SEMA4C: variants seen among roughly 807,000 people sequenced by gnomAD.
SEMA4C encodes semaphorin 4C.
In SEMA4C, 19 loss-of-function variants were observed where a neutral mutation model predicts 89.0. That is an observed-to-expected ratio of 0.21 (90% CI 0.15 to 0.31). SEMA4C has a LOEUF of 0.31. Ranked by LOEUF, SEMA4C falls within the 10% of genes least tolerant of loss-of-function variation. The probability of loss-of-function intolerance (pLI) is 1.00; values close to 1 mark genes in which losing one functional copy is unlikely to be tolerated. For synonymous variants in SEMA4C, 428 were observed against 472.7 expected, an observed-to-expected ratio of 0.91 and a Z score of 1.23; for missense variants, 811 against 1,107.0, an observed-to-expected ratio of 0.73 and a Z score of 3.79.
At chr2:96,862,183 C>T (rs2079962962) in intron 12 of SEMA4C, 2 of 422,516 alleles carry the variant, frequency 4.7e-6, no homozygotes, top group Admixed American at 3.7e-5. Context: ...AGTATAATCA[C>T]ACACACTCAC....
chr2:96,863,421 C>T (rs1267483508), intron 12 of SEMA4C: 30 of 1,241,188 alleles, frequency 2.4e-5, no homozygotes, highest in Non-Finnish European at 2.9e-5. Context: ...AACATGGGAG[C>T]AGTTGCCAAG....
Position 96,860,971 on chromosome 2 carries a change from G to T in SEMA4C, c.2157C>A (p.Pro719=). The change falls in exon 15 of 15, where the codon CCC becomes CCA. Residue 719 remains proline, a synonymous_variant. Coordinates refer to ENST00000305476, the MANE Select transcript of SEMA4C (RefSeq NM_017789.5). ...LELPKEPTSP[P]FRPCPEPDEK... ...CATCTGGTTCAGGACAGGGCCGGAA[G>T]GGGGGACTGGTGGGCTCCTTGGGCA... 1.2e-6 allele frequency: 2 copies of T among 1,613,010 alleles called. No individual in the cohort carries two copies. The highest frequency in any genetic ancestry group is 8.5e-7 in the Non-Finnish European group (1 of 1,180,018).
At position 96,866,329 on chromosome 2, in the gene SEMA4C, T is replaced by C; in HGVS notation, c.212A>G (p.Glu71Gly). ...CTCCATGCTGAAGGCAAACAGGGCC[T>C]CTCGGGCGCCCACGTACAGAAGCCC... ...PTGLLYVGAR[E>G]ALFAFSMEAL... The change falls in exon 3 of 15, where the codon GAG (glutamate) becomes GGG (glycine). Residue 71 changes from glutamate to glycine, a missense_variant. Coordinates refer to ENST00000305476, the MANE Select transcript of SEMA4C (RefSeq NM_017789.5). 1 of 1,613,362 alleles carries C rather than the reference T, an allele frequency of 6.2e-7. No homozygotes were observed. The highest frequency in any genetic ancestry group is 8.5e-7 in the Non-Finnish European group (1 of 1,179,574).
At chr2:96,863,181 G>A (rs2079991132) in intron 12 of SEMA4C, 13 of 933,636 alleles carry the variant, frequency 1.4e-5, no homozygotes, top group Non-Finnish European at 1.7e-5. Flanking sequence ...CTGCACTCTA[G>A]CCTGGGTGAC....
At position 96,861,647 on chromosome 2, in the gene SEMA4C, G is replaced by T. The variant is rs78768368; in HGVS notation, c.1604C>A (p.Ser535Tyr). The T allele has an allele frequency of 2.8e-5, 45 of 1,581,166 alleles. No homozygotes were observed. The highest frequency in any genetic ancestry group is 2.5e-4 in the South Asian group (22 of 86,350). Residue 535 changes from serine to tyrosine, a missense_variant and splice_region_variant, in exon 14 of 15, where the codon TCT becomes TAT. This residue lies in a region of SEMA4C where 441 missense variants were observed against 664.9 expected (regional missense o/e 0.66). Coordinates refer to ENST00000305476, the MANE Select transcript of SEMA4C (RefSeq NM_017789.5). This position sits in a 1 kb window ranked among gnomAD's most constrained non-coding sequence, Gnocchi z 7.8. ...GGTCATCACATGCTGGATCAGTAGA[G>T]ATCTGGTAGGGGATGTAGGGTACAT... ...RCVAVGGHSG[S>Y]LLIQHVMTSD...
intron 12 of SEMA4C, chr2:96,863,476 G>T: frequency 1.1e-5 from 14 of 1,327,844 alleles, no homozygotes; most frequent in Non-Finnish European, 1.3e-5. Flanking sequence ...TATATATAAT[G>T]GCCCTGTGCA....
At chr2:96,869,180 T>C in intron 1 of SEMA4C, 1 of 985,230 alleles carries the variant, frequency 1.0e-6, no homozygotes, top group Non-Finnish European at 1.2e-6. Flanking sequence ...TCATCTCGGC[T>C]CCTTACCCGA....
upstream of SEMA4C, chr2:96,870,367 A>C: frequency 8.4e-6 from 8 of 955,754 alleles, no homozygotes; most frequent in South Asian, 3.4e-4. Flanking sequence ...CCACGGGGGA[A>C]TCACACTCAC....
chr2:96,869,266 G>T (rs1470013598), intron 1 of SEMA4C: 3 of 985,294 alleles, frequency 3.0e-6, no homozygotes, highest in Non-Finnish European at 3.6e-6. Context: ...TCCCCCCAGG[G>T]CGAGGAAACG....
In SEMA4C at chr2:96,865,278, G is replaced by A. The variant is rs753800077; in HGVS notation, c.560C>T (p.Thr187Met). ...YSATLNNFLG[T>M]EPIILRNMGP... ...CATGTTACGCAGGATAATGGGTTCC[G>A]TGCCCAGGAAGTTGTTGAGTGTGGC... Residue 187 changes from threonine (T) to methionine (M), a missense_variant, in exon 7 of 15, where the codon ACG becomes ATG. By Grantham distance (81) the Thr-to-Met change is moderately conservative (BLOSUM62 -1). Around this residue, in one of 4 missense-constraint regions of SEMA4C, gnomAD observed 441 missense variants for 664.9 expected, o/e 0.66. Transcript: ENST00000305476. The A allele has an allele frequency of 2.5e-6, 4 of 1,614,094 alleles. No homozygotes were observed. Among genetic ancestry groups the A allele is most frequent in the East Asian group, 2.2e-5 (1 of 44,898 alleles).
intron 1 of SEMA4C, chr2:96,869,414 C>T (rs1246510668): frequency 8.1e-6 from 8 of 984,162 alleles, no homozygotes; most frequent in African/African-American, 1.8e-5. Context: ...ACGGCGCGGC[C>T]CGGCTCGGCC....
intron 12 of SEMA4C, 75 bp downstream of exon 12, chr2:96,863,607 G>A: frequency 6.9e-7 from 1 of 1,454,434 alleles, no homozygotes; most frequent in Non-Finnish European, 9.6e-7. Context: ...AGGCCCAACT[G>A]GGAGAAGCAG....
At chr2:96,869,648 CCGGGGCTG>C (rs1212942510) in intron 1 of SEMA4C, 5 of 985,138 alleles carry the variant, frequency 5.1e-6, no homozygotes, top group East Asian at 1.1e-4. Flanking sequence ...CCCTCCGGCC[CCGGGGCTG>C]CGGGGCTGCA....
rs774668174 is a variant in SEMA4C, at chr2:96,861,563, G to A, written c.1672+16C>T. 2 of 1,596,814 alleles carry A rather than the reference G, an allele frequency of 1.3e-6. No homozygotes were observed. The highest frequency in any genetic ancestry group is 1.7e-6 in the Non-Finnish European group (2 of 1,168,808). ...TCCAGGGCTCAGCCCGATGCGACGGGAATGAAAAAGCTCACCTTTCTTACT... is the reference window on the plus strand; with the variant it reads ...TCCAGGGCTCAGCCCGATGCGACGGAAATGAAAAAGCTCACCTTTCTTACT... On this transcript the variant is annotated intron_variant, in intron 14 of 14. Transcript: ENST00000305476. The surrounding 1 kb of genome is among the most constrained non-coding windows in gnomAD (Gnocchi z 7.8).
At position 96,863,666 on chromosome 2, in the gene SEMA4C, G is replaced by A. The variant is rs1202317393; in HGVS notation, c.1443+16C>T. On this transcript the variant is annotated intron_variant, in intron 12 of 14. Coordinates refer to ENST00000305476, the MANE Select transcript of SEMA4C (RefSeq NM_017789.5). ...ATAGTGCTGGGGACAGTGGCAGATAGGGCCCAACTTACTACCTTGCTCTGA... is the reference window on the plus strand; with the variant it reads ...ATAGTGCTGGGGACAGTGGCAGATAAGGCCCAACTTACTACCTTGCTCTGA... 6.2e-7 allele frequency: 1 copy of A among 1,603,664 alleles called. No homozygotes were observed. The highest frequency in any genetic ancestry group is 1.7e-5 in the Admixed American group (1 of 59,994).
chr2:96,865,948 A>T lies in SEMA4C; in HGVS notation c.259-19T>A. ...AGGAGATCTGGGGAAAGGGAAGGGGATGTCAGCCACGTTACAGGTACGGAC... is the reference window on the plus strand; with the variant it reads ...AGGAGATCTGGGGAAAGGGAAGGGGTTGTCAGCCACGTTACAGGTACGGAC... On this transcript the variant is annotated intron_variant, in intron 3 of 14. Transcript: ENST00000305476. 1 of 1,613,136 alleles carries T rather than the reference A, an allele frequency of 6.2e-7. No individual in the cohort carries two copies. Among genetic ancestry groups the T allele is most frequent in the Non-Finnish European group, 8.5e-7 (1 of 1,179,390 alleles).
intron 4 of SEMA4C, 31 bp downstream of exon 4, chr2:96,865,836 G>T: frequency 6.2e-7 from 1 of 1,613,134 alleles, no homozygotes; most frequent in African/African-American, 1.3e-5. Flanking sequence ...TGGGGTGAAG[G>T]CAGCACCAGG....
In SEMA4C at chr2:96,861,270, G is replaced by A. The variant is rs760743129; in HGVS notation, c.1858C>T (p.Arg620Cys). 5 of 1,607,648 alleles carry A rather than the reference G, an allele frequency of 3.1e-6. No individual in the cohort carries two copies. The highest frequency in any genetic ancestry group is 3.4e-6 in the Non-Finnish European group (4 of 1,179,486). Residue 620 changes from arginine (R) to cysteine (C), a missense_variant, in exon 15 of 15, where the codon CGC becomes TGC. Coordinates refer to ENST00000305476, the MANE Select transcript of SEMA4C (RefSeq NM_017789.5). The surrounding 1 kb of genome is among the most constrained non-coding windows in gnomAD (Gnocchi z 7.8). The part of the protein sequence containing the change: ...QALVVMAAQP[R>C]HAGAYHCFSE... ...AAGCAGTGGTAGGCCCCGGCATGGC[G>A]GGGCTGGGCAGCCATCACAACCAGG...
chr2:96,869,423 C>G (rs1574159169), intron 1 of SEMA4C: 1 of 985,174 alleles, frequency 1.0e-6, no homozygotes. Flanking sequence ...CCCGGCTCGG[C>G]CCGGGGGCCT....
Sources: allele counts gnomAD v4.1 joint callset, GRCh38; gene constraint gnomAD v4.1.1; regional missense constraint gnomAD v4.1.1; non-coding constraint Gnocchi (gnomAD v3.1); transcripts MANE v1.5; gene names NCBI Gene and HGNC (gene_info 2026-07-23, HGNC 2026-07-21).